Variants in RXFP1 observed in about 807,000 individuals in gnomAD.
RXFP1 encodes relaxin receptor 1.
In RXFP1, 73 loss-of-function variants were observed where a neutral mutation model predicts 89.8. That is an observed-to-expected ratio of 0.81 (90% CI 0.67 to 0.99). RXFP1 has a LOEUF of 0.99. Ranked by LOEUF, RXFP1 falls within the 50% of genes least tolerant of loss-of-function variation. RXFP1 has a pLI of 0.00. For missense variants in RXFP1, 793 were observed against 895.5 expected (o/e 0.89, Z 1.46); for synonymous variants, 277 against 305.5 (o/e 0.91, Z 0.97).
At chr4:158,582,495 C>T (rs1328710363) in intron 2 of RXFP1, among the ~76,000 whole-genome samples, 1 of 152,180 alleles carries the variant, frequency 6.6e-6, no homozygotes, top group African/African-American at 2.4e-5. Context: ...ACTCTGTCAT[C>T]TCCTGCCTGT....
chr4:158,639,310 C>A lies in RXFP1; in HGVS notation c.1094C>A (p.Pro365His). The A allele has an allele frequency of 2.6e-6, 4 of 1,562,010 alleles. No individual in the cohort carries two copies. The highest frequency in any genetic ancestry group is 2.6e-6 in the Non-Finnish European group (3 of 1,132,868). Residue 365 changes from proline (P) to histidine (H), a missense_variant, in exon 14 of 18, where the codon CCT becomes CAT. Coordinates refer to ENST00000307765, the MANE Select transcript of RXFP1 (RefSeq NM_021634.4). ...AATATCCAACAAAGGATGTTTAGAC[C>A]TCTTATGAATCTCTCTCACATGTAA... ...ISNIQQRMFR[P>H]LMNLSHIYFK... is the part of the protein sequence containing the mutation.
At chr4:158,594,332 G>A (rs544714691) in intron 3 of RXFP1, among the ~76,000 whole-genome samples, 5 of 152,194 alleles carry the variant, frequency 3.3e-5, no homozygotes, top group Admixed American at 6.5e-5. Context: ...TAAAACAGCC[G>A]CGTCCTCAGC....
At chr4:158,636,800 A>G (rs1168446069) in intron 12 of RXFP1, among the ~76,000 whole-genome samples, 3 of 152,212 alleles carry the variant, frequency 2.0e-5, no homozygotes, top group South Asian at 2.1e-4. Flanking sequence ...AGAATACAAT[A>G]CATTGTTATT....
intron 2 of RXFP1, among the ~76,000 whole-genome samples, chr4:158,580,206 C>G (rs1443728727): frequency 6.6e-6 from 1 of 152,048 alleles, no homozygotes; most frequent in African/African-American, 2.4e-5. Context: ...CTACCTGGCC[C>G]TAGGATAATG....
At chr4:158,641,616 A>G (rs1375278983) in intron 14 of RXFP1, among the ~76,000 whole-genome samples, 1 of 152,240 alleles carries the variant, frequency 6.6e-6, no homozygotes, top group African/African-American at 2.4e-5. Context: ...CGAATGGGGA[A>G]ATATCAGCAA....
At chr4:158,544,772 T>A (rs1747800306) in intron 1 of RXFP1, among the ~76,000 whole-genome samples, 1 of 152,220 alleles carries the variant, frequency 6.6e-6, no homozygotes, top group African/African-American at 2.4e-5. Context: ...AAAAAGGACA[T>A]GAACTCTTCA....
intron 1 of RXFP1, among the ~76,000 whole-genome samples, chr4:158,546,450 C>G (rs1053096931): frequency 1.6e-4 from 25 of 152,258 alleles, no homozygotes; most frequent in Middle Eastern, 3.4e-3. Flanking sequence ...ATTTCCTTCT[C>G]CTGCCTAATT....
At chr4:158,628,534 G>C in intron 10 of RXFP1, 104 bp from the exon 11 acceptor site, 2 of 475,014 alleles carry the variant, frequency 4.2e-6, no homozygotes, top group Non-Finnish European at 7.7e-6. Flanking sequence ...TGTGAAAAAT[G>C]TACTGTATAT....
At chr4:158,580,453 A>G (rs1757125503) in intron 2 of RXFP1, among the ~76,000 whole-genome samples, 1 of 152,186 alleles carries the variant, frequency 6.6e-6, no homozygotes, top group African/African-American at 2.4e-5. Flanking sequence ...CTTGAGTTCA[A>G]CTTTGCCAGC....
At chr4:158,547,997 G>A (rs1020547419) in intron 1 of RXFP1, among the ~76,000 whole-genome samples, 1 of 151,990 alleles carries the variant, frequency 6.6e-6, no homozygotes, top group Admixed American at 6.6e-5. Flanking sequence ...TCAATTCCTG[G>A]GTATCCTTGT....
intron 1 of RXFP1, among the ~76,000 whole-genome samples, chr4:158,549,964 A>G (rs1260424795): frequency 1.3e-5 from 2 of 151,908 alleles, no homozygotes; most frequent in Non-Finnish European, 2.9e-5. Flanking sequence ...GAGAACCACT[A>G]CTCTCTTCAA....
intron 1 of RXFP1, among the ~76,000 whole-genome samples, chr4:158,541,505 TC>T (rs1456741573): frequency 2.0e-5 from 3 of 152,102 alleles, no homozygotes; most frequent in Admixed American, 2.0e-4. Context: ...CTATTTCAGC[TC>T]CAAGTTTAAA....
At chr4:158,615,484 C>T (rs184222153) in intron 8 of RXFP1, among the ~76,000 whole-genome samples, 279 of 151,506 alleles carry the variant, frequency 1.8e-3, no homozygotes, top group Admixed American at 4.6e-3. Context: ...TGCAGTGAGC[C>T]GAGATTGCAC....
Position 158,622,111 on chromosome 4 carries a change from G to A in RXFP1, c.756-4709G>A, listed in dbSNP as rs535204488. On this transcript the variant is annotated intron_variant, in intron 9 of 17. Coordinates refer to ENST00000307765, the MANE Select transcript of RXFP1 (RefSeq NM_021634.4). ...GGATCACTTGAGGTCAGGAGTTCGA[G>A]GCCAGCCTGGCCAACATGATGAAAC... 8.5e-5 allele frequency among the ~76,000 whole-genome samples: 13 copies of A among 152,300 alleles called. No homozygotes were observed. The South Asian group carries it at 2.7e-3, about 32-fold the overall frequency.
chr4:158,527,564 A>AAAAAAAAAATAT (rs5741905), intron 1 of RXFP1, among the ~76,000 whole-genome samples: 38 of 98,326 alleles, frequency 3.9e-4, no homozygotes, highest in East Asian at 1.6e-3. Context: ...AAAAAAAAAA[A>AAAAAAAAAATAT]ATATATATAT....
At position 158,648,541 on chromosome 4, in the gene RXFP1, G is replaced by T; in HGVS notation, c.1799G>T (p.Gly600Val). The change falls in exon 17 of 18, where the codon GGA (glycine) becomes GTA (valine). Residue 600 changes from glycine (G) to valine (V), a missense_variant. By Grantham distance (109) the Gly-to-Val change is moderately radical (BLOSUM62 -3). Coordinates refer to ENST00000307765, the MANE Select transcript of RXFP1 (RefSeq NM_021634.4). ...AAFIIIVFSY[G>V]SMFYSVHQSA... Reference sequence around the variant, plus strand: ...TTTATCATCATAGTTTTTTCCTATGGAAGCATGTTTTATAGTGTTCATCAA... The same window carrying T: ...TTTATCATCATAGTTTTTTCCTATGTAAGCATGTTTTATAGTGTTCATCAA... The T allele has an allele frequency of 6.2e-7, 1 of 1,608,192 alleles. No individual in the cohort carries two copies. Among genetic ancestry groups the T allele is most frequent in the Non-Finnish European group, 8.5e-7 (1 of 1,177,530 alleles).
intron 3 of RXFP1, among the ~76,000 whole-genome samples, chr4:158,598,789 A>AT (rs1298011086): frequency 6.6e-6 from 1 of 151,890 alleles, no homozygotes; most frequent in South Asian, 2.1e-4. Flanking sequence ...AAGCCAAAAG[A>AT]TTTTTTAAAA....
At chr4:158,588,599 A>C (rs1331157350) in intron 2 of RXFP1, among the ~76,000 whole-genome samples, 1 of 152,200 alleles carries the variant, frequency 6.6e-6, no homozygotes, top group African/African-American at 2.4e-5. Context: ...ACAGAGCAGC[A>C]AACAAATGAC....
intron 17 of RXFP1, among the ~76,000 whole-genome samples, chr4:158,651,115 C>A (rs1010646746): frequency 1.3e-5 from 2 of 152,018 alleles, no homozygotes; most frequent in African/African-American, 4.8e-5. Context: ...CAGCATGAGA[C>A]CCTGTCTCAA....
Sources: allele counts gnomAD v4.1 joint callset (sites outside exome capture counted in the v4.1 genomes callset), GRCh38; gene constraint gnomAD v4.1.1; transcripts MANE v1.5; gene names NCBI Gene and HGNC (gene_info 2026-07-23, HGNC 2026-07-21).